The following NAA11 variants were observed in gnomAD, a reference collection of about 807,000 sequenced individuals.
NAA11 encodes N-alpha-acetyltransferase 11.
Under a neutral mutation model 16.1 loss-of-function variants are expected in NAA11, and 15 were observed. The ratio of observed to expected loss-of-function variants is 0.93; its 90% CI spans 0.62 to 1.44. The LOEUF (loss-of-function observed/expected upper bound fraction) is 1.44. Among genes scored for constraint, NAA11 ranks in the 40% most tolerant of loss-of-function variants. The probability of loss-of-function intolerance (pLI) is 0.00; values close to 1 mark genes in which losing one functional copy is unlikely to be tolerated. For synonymous variants in NAA11, 122 were observed against 112.4 expected (o/e 1.09, Z -0.54); for missense variants, 298 against 291.3 (o/e 1.02, Z -0.17).
intron 1 of NAA11, among the ~76,000 whole-genome samples, chr4:79,322,972 G>A (rs1724140766): frequency 6.6e-6 from 1 of 151,864 alleles, no homozygotes; most frequent in Non-Finnish European, 1.5e-5. Context: ...CTTCGGTTTT[G>A]GCATTAAAAT....
chr4:79,250,450 C>G (rs1721969152), intron 2 of NAA11, among the ~76,000 whole-genome samples: 1 of 152,298 alleles, frequency 6.6e-6, no homozygotes, highest in Non-Finnish European at 1.5e-5. Flanking sequence ...TGAAACTAGA[C>G]CCCTTCTTTA....
chr4:79,203,512 A>G, the NAA11 span, among the ~76,000 whole-genome samples: 1,007 of 151,934 alleles, frequency 6.6e-3, 9 homozygotes, highest in Middle Eastern at 0.01. Flanking sequence ...GAAAGAAACA[A>G]AATGAATTAT....
At chr4:79,259,400 C>A (rs1254446521) in intron 2 of NAA11, among the ~76,000 whole-genome samples, 1 of 152,204 alleles carries the variant, frequency 6.6e-6, no homozygotes, top group African/African-American at 2.4e-5. Context: ...AGAGCTGGCA[C>A]CCATGCTGGC....
the NAA11 span, among the ~76,000 whole-genome samples, chr4:79,158,698 GATATATAT>G: frequency 3.5e-4 from 39 of 112,144 alleles, 1 homozygote; most frequent in African/African-American, 9.4e-4. Context: ...CACATTACCT[GATATATAT>G]ATATATATAT....
the NAA11 span, among the ~76,000 whole-genome samples, chr4:79,169,009 C>T: frequency 6.6e-6 from 1 of 152,018 alleles, no homozygotes; most frequent in Non-Finnish European, 1.5e-5. Flanking sequence ...TTCACAATTG[C>T]TACAAAGGGA....
chr4:79,286,340 T>C (rs1418957274), intron 2 of NAA11, among the ~76,000 whole-genome samples: 1 of 152,008 alleles, frequency 6.6e-6, no homozygotes, highest in African/African-American at 2.4e-5. Flanking sequence ...CTCTTAATAA[T>C]AAACGCTTGA....
At chr4:79,309,714 C>CTTTTTTTTTTTTTTT (rs71662804) in intron 1 of NAA11, among the ~76,000 whole-genome samples, 1 of 81,422 alleles carries the variant, frequency 1.2e-5, no homozygotes, top group Non-Finnish European at 2.2e-5. Context: ...TTTTTTTTTT[C>CTTTTTTTTTTTTTTT]TTTTTTTTTT....
At chr4:79,214,075 A>G in the NAA11 span, among the ~76,000 whole-genome samples, 3 of 152,326 alleles carry the variant, frequency 2.0e-5, no homozygotes, top group African/African-American at 7.2e-5. Flanking sequence ...ACCACAACAC[A>G]GGAATTGACA....
chr4:79,299,906 G>A (rs1723336065), intron 1 of NAA11, among the ~76,000 whole-genome samples: 1 of 135,938 alleles, frequency 7.4e-6, no homozygotes, highest in Non-Finnish European at 1.6e-5. Context: ...GTTAGCAATG[G>A]AGACTGCGAG....
downstream of NAA11, chr4:79,316,624 AAAC>A (rs951367400): frequency 2.7e-4 from 41 of 152,338 alleles, no homozygotes; most frequent in African/African-American, 9.9e-4. Context: ...GTGAACATAA[AAAC>A]AACATTAAGT....
In NAA11 at chr4:79,325,346, G is replaced by A. The variant is rs773569369; in HGVS notation, c.532C>T (p.Gln178Ter). The change falls in exon 1 of 2, where the codon CAG becomes TAG. Residue 178 changes from glutamine (Q) to a stop codon, truncating the protein, a stop_gained. Transcript: ENST00000286794. LOFTEE classifies it high-confidence loss of function. Reference sequence around the variant, plus strand: ...GAAAGTGTGCTGCCCTGGGTCTCCTGGTTCTCCCTGGAGCCCAGGACCACA... The same window carrying A: ...GAAAGTGTGCTGCCCTGGGTCTCCTAGTTCTCCCTGGAGCCCAGGACCACA... ...GYVVLGSRENQETQGSTLSDS... is the reference protein window; with the variant it reads ...GYVVLGSREN 6.2e-7 allele frequency: 1 copy of A among 1,613,938 alleles called. No individual in the cohort carries two copies. Among genetic ancestry groups the A allele is most frequent in the Non-Finnish European group, 8.5e-7 (1 of 1,179,890 alleles).
chr4:79,281,044 C>T (rs1445379825), intron 2 of NAA11, among the ~76,000 whole-genome samples: 1 of 151,904 alleles, frequency 6.6e-6, no homozygotes, highest in Admixed American at 6.6e-5. Context: ...TCAATGCTTT[C>T]CAGGCTCCAG....
chr4:79,267,869 T>G (rs1722387206), intron 2 of NAA11, among the ~76,000 whole-genome samples: 1 of 152,116 alleles, frequency 6.6e-6, no homozygotes, highest in Non-Finnish European at 1.5e-5. Context: ...AGCTTCTGCC[T>G]GCCATATGTT....
chr4:79,304,529 G>C (rs527467662), intron 1 of NAA11, among the ~76,000 whole-genome samples: 1 of 151,576 alleles, frequency 6.6e-6, no homozygotes, highest in Non-Finnish European at 1.5e-5. Flanking sequence ...TCTATATTTC[G>C]GCAAGAATAT....
At chr4:79,268,110 G>A (rs1722391987) in intron 2 of NAA11, among the ~76,000 whole-genome samples, 1 of 152,074 alleles carries the variant, frequency 6.6e-6, no homozygotes, top group South Asian at 2.1e-4. Context: ...AAAATCTGTG[G>A]AGCATTGATG....
chr4:79,160,623 C>T, the NAA11 span, among the ~76,000 whole-genome samples: 47 of 152,066 alleles, frequency 3.1e-4, no homozygotes, highest in South Asian at 9.4e-3. Context: ...TTTTTAGTAT[C>T]TTTTTATGTG....
chr4:79,186,366 A>G, the NAA11 span, among the ~76,000 whole-genome samples: 1 of 152,282 alleles, frequency 6.6e-6, no homozygotes, highest in South Asian at 2.1e-4. Context: ...TGTTGGCAAG[A>G]TTCCTTTTGC....
chr4:79,205,289 T>C, the NAA11 span, among the ~76,000 whole-genome samples: 1 of 151,994 alleles, frequency 6.6e-6, no homozygotes, highest in Non-Finnish European at 1.5e-5. Flanking sequence ...CCACCAACAG[T>C]GTGTAAGTAC....
chr4:79,282,830 G>C (rs542465807), intron 2 of NAA11, among the ~76,000 whole-genome samples: 1 of 152,216 alleles, frequency 6.6e-6, no homozygotes, highest in South Asian at 2.1e-4. Flanking sequence ...GGAACTGGAT[G>C]AAATTGCCTA....
Sources: allele counts gnomAD v4.1 joint callset (sites outside exome capture counted in the v4.1 genomes callset), GRCh38; gene constraint gnomAD v4.1.1; transcripts MANE v1.5; gene names NCBI Gene and HGNC (gene_info 2026-07-23, HGNC 2026-07-21).